VPS53: variants seen among roughly 807,000 people sequenced by gnomAD.
The protein encoded by VPS53 is VPS53 subunit of GARP complex, also known as vacuolar protein sorting-associated protein 53 homolog.
Under a neutral mutation model 107.0 loss-of-function variants are expected in VPS53, and 70 were observed. That is an observed-to-expected ratio of 0.65 (90% CI 0.54 to 0.80). The LOEUF is 0.80. Among genes scored for constraint, VPS53 ranks in the 30% least tolerant of loss-of-function variants. VPS53 has a pLI of 0.00. For missense variants in VPS53, 917 were observed against 1,049.4 expected (o/e 0.87, Z 1.74); for synonymous variants, 409 against 393.3 (o/e 1.04, Z -0.47).
In VPS53 at chr17:537,132, G is replaced by A. The variant is rs149512470; in HGVS notation, c.1911C>T (p.Tyr637=). The part of the protein sequence containing the change: ...NVEHVGDQSP[Y]VTSVILHIKQ... Reference sequence around the variant, plus strand: ...TGATGTGCAGAATGACAGAGGTGACGTAGGGGCTCTGGTCACCAACGTGCT... The same window carrying A: ...TGATGTGCAGAATGACAGAGGTGACATAGGGGCTCTGGTCACCAACGTGCT... The change falls in exon 18 of 22, where the codon TAC becomes TAT. Residue 637 remains tyrosine, a synonymous_variant. Transcript: ENST00000437048. The A allele has an allele frequency of 2.2e-5, 35 of 1,614,124 alleles. No homozygotes were observed. Among genetic ancestry groups the A allele is most frequent in the East Asian group, 1.1e-4 (5 of 44,858 alleles).
chr17:543,686 C>T (rs1039836699), intron 17 of VPS53, among the ~76,000 whole-genome samples: 2 of 151,318 alleles, frequency 1.3e-5, no homozygotes, highest in Non-Finnish European at 2.9e-5. Context: ...TCCACCAAAA[C>T]ACTCCAAATA....
chr17:692,145 C>T (rs755921126), intron 4 of VPS53, among the ~76,000 whole-genome samples: 3 of 152,176 alleles, frequency 2.0e-5, no homozygotes, highest in Admixed American at 1.3e-4. Flanking sequence ...GACCGGTCAA[C>T]GTTGGCCACT....
At chr17:625,188 C>G (rs1356994626) in intron 10 of VPS53, among the ~76,000 whole-genome samples, 1 of 151,948 alleles carries the variant, frequency 6.6e-6, no homozygotes, top group Admixed American at 6.6e-5. Flanking sequence ...GGGGTTTTGC[C>G]ATGTTGCCCA....
rs1226033318 is a variant in VPS53 at position 591,059 on chromosome 17, T to C, written c.1219-4695A>G. 2.6e-5 allele frequency among the ~76,000 whole-genome samples: 4 copies of C among 152,186 alleles called. No individual in the cohort carries two copies. In the East Asian group the frequency reaches 7.7e-4, roughly 29 times the overall value. On this transcript the variant is annotated intron_variant, in intron 12 of 21. Coordinates refer to ENST00000437048, the MANE Select transcript of VPS53 (RefSeq NM_001128159.3). ...TGATTATTGCCACAATTTCAGCTCC[T>C]GTTATTGGTCTATTCAGAGATTCAA...
intron 18 of VPS53, among the ~76,000 whole-genome samples, chr17:533,279 T>A (rs1909743826): frequency 2.0e-5 from 3 of 152,176 alleles, no homozygotes; most frequent in Non-Finnish European, 4.4e-5. Flanking sequence ...TGGCTACTTT[T>A]TAATTTTTTT....
chr17:521,985 G>A (rs1908798509), intron 19 of VPS53, among the ~76,000 whole-genome samples: 1 of 152,156 alleles, frequency 6.6e-6, no homozygotes, highest in Non-Finnish European at 1.5e-5. Flanking sequence ...CAGGAGCCGT[G>A]GCTCACACCT....
At chr17:560,182 C>CACAA (rs1471385271) in intron 15 of VPS53, among the ~76,000 whole-genome samples, 1 of 152,188 alleles carries the variant, frequency 6.6e-6, no homozygotes, top group Non-Finnish European at 1.5e-5. Context: ...GAGGAGCTTA[C>CACAA]ACAACTCCAG....
intron 2 of VPS53, among the ~76,000 whole-genome samples, chr17:702,871 C>A (rs1417315927): frequency 6.6e-6 from 1 of 151,716 alleles, no homozygotes; most frequent in Admixed American, 6.6e-5. Flanking sequence ...CTCTGCCAGG[C>A]GAGGCACACT....
intron 13 of VPS53, among the ~76,000 whole-genome samples, chr17:575,594 C>T (rs548657878): frequency 4.0e-5 from 6 of 151,638 alleles, no homozygotes; most frequent in African/African-American, 1.5e-4. Context: ...TTCCTCAGAA[C>T]CTCAATGCAT....
chr17:551,236 C>T (rs1281992302), intron 17 of VPS53, among the ~76,000 whole-genome samples: 3 of 151,480 alleles, frequency 2.0e-5, no homozygotes, highest in East Asian at 3.9e-4. Flanking sequence ...AAAATAGGAA[C>T]ATGAGAGGAA....
chr17:645,804 C>T (rs943988277), intron 7 of VPS53, among the ~76,000 whole-genome samples: 10 of 150,150 alleles, frequency 6.7e-5, no homozygotes, highest in African/African-American at 2.4e-4. Context: ...TGGCCACTGC[C>T]TCCTAAGGGT....
chr17:624,369 G>A (rs1969599565), intron 10 of VPS53, among the ~76,000 whole-genome samples: 1 of 152,142 alleles, frequency 6.6e-6, no homozygotes, highest in African/African-American at 2.4e-5. Flanking sequence ...GCAAGGGACA[G>A]GATCCCTGCG....
chr17:651,666 C>A (rs1970953984), intron 7 of VPS53, among the ~76,000 whole-genome samples: 1 of 152,192 alleles, frequency 6.6e-6, no homozygotes, highest in Admixed American at 6.5e-5. Flanking sequence ...AAGCCTGTAG[C>A]ATTCGGGCCT....
chr17:696,980 T>G (rs1266995610), intron 4 of VPS53, among the ~76,000 whole-genome samples: 1 of 152,158 alleles, frequency 6.6e-6, no homozygotes, highest in Non-Finnish European at 1.5e-5. Context: ...TTGTAAAATT[T>G]TTTAATGAAT....
intron 7 of VPS53, among the ~76,000 whole-genome samples, chr17:632,530 C>T (rs1970007262): frequency 6.6e-6 from 1 of 152,102 alleles, no homozygotes; most frequent in African/African-American, 2.4e-5. Context: ...ATTCCAATTC[C>T]AATCTTTTAG....
At chr17:604,227 C>T (rs1471324209) in intron 11 of VPS53, among the ~76,000 whole-genome samples, 2 of 152,116 alleles carry the variant, frequency 1.3e-5, no homozygotes, top group Non-Finnish European at 2.9e-5. Flanking sequence ...TGAGAACGTT[C>T]CCGGGCTCTG....
intron 13 of VPS53, among the ~76,000 whole-genome samples, chr17:583,688 A>G (rs1224801431): frequency 1.3e-5 from 2 of 150,274 alleles, no homozygotes; most frequent in Admixed American, 1.3e-4. Context: ...GCGTTCCCAG[A>G]GAACTCCCTT....
At chr17:707,248 G>A (rs1183289350) in intron 2 of VPS53, among the ~76,000 whole-genome samples, 8 of 152,340 alleles carry the variant, frequency 5.3e-5, no homozygotes, top group Middle Eastern at 3.4e-3. Context: ...TGGGTCGGGC[G>A]CGGTGGCTCA....
At chr17:637,151 T>A (rs1188215570) in intron 7 of VPS53, among the ~76,000 whole-genome samples, 1 of 152,156 alleles carries the variant, frequency 6.6e-6, no homozygotes, top group Non-Finnish European at 1.5e-5. Flanking sequence ...CTTGGGAGGG[T>A]GTATGTGTCC....
Sources: gnomAD v4.1 joint callset for allele counts (sites outside exome capture counted in the v4.1 genomes callset) on GRCh38, gnomAD v4.1.1 for gene constraint, MANE v1.5 for transcripts, NCBI Gene and HGNC (gene_info 2026-07-23, HGNC 2026-07-21) for gene names.